SEMA3E: variants seen among roughly 807,000 people sequenced by gnomAD.
SEMA3E encodes semaphorin-3E.
In SEMA3E, 49 loss-of-function variants were observed where a neutral mutation model predicts 93.6. The observed-to-expected ratio is 0.52, with a 90% CI of 0.42 to 0.66. The LOEUF (loss-of-function observed/expected upper bound fraction) is 0.66. Among genes scored for constraint, SEMA3E ranks in the 30% least tolerant of loss-of-function variants. The pLI is 0.00. For synonymous variants in SEMA3E, 363 were observed against 330.7 expected (o/e 1.10, Z -1.06); for missense variants, 906 against 964.8 (o/e 0.94, Z 0.81).
At chr7:83,543,973 C>T (rs10248786) in intron 1 of SEMA3E, among the ~76,000 whole-genome samples, 2 of 151,756 alleles carry the variant, frequency 1.3e-5, no homozygotes, top group African/African-American at 2.4e-5. Context: ...TTTGATGTAA[C>T]CTTCCCTCCC....
chr7:83,464,868 C>A (rs570405785), intron 4 of SEMA3E, among the ~76,000 whole-genome samples: 1 of 150,414 alleles, frequency 6.6e-6, no homozygotes, highest in African/African-American at 2.4e-5. Context: ...ATACCACCCC[C>A]CAAAAATTTT....
At chr7:83,374,206 CAAAAAA>C (rs71074647) in intron 16 of SEMA3E, among the ~76,000 whole-genome samples, 2 of 93,346 alleles carry the variant, frequency 2.1e-5, no homozygotes, top group Non-Finnish European at 4.1e-5. Flanking sequence ...AACTGCGTCT[CAAAAAA>C]AAAAAAAAAA....
intron 11 of SEMA3E, among the ~76,000 whole-genome samples, chr7:83,399,048 A>T (rs1001623014): frequency 6.6e-6 from 1 of 152,188 alleles, no homozygotes; most frequent in Admixed American, 6.6e-5. Context: ...TATTAATATT[A>T]ATATTACATC....
chr7:83,484,302 C>T (rs143625501), intron 2 of SEMA3E, among the ~76,000 whole-genome samples: 1 of 152,296 alleles, frequency 6.6e-6, no homozygotes, highest in African/African-American at 2.4e-5. Flanking sequence ...CTGCTTTAAA[C>T]TTCATATGGT....
At chr7:83,425,072 A>T (rs140302871) in intron 4 of SEMA3E, 79 of 159,188 alleles carry the variant, frequency 5.0e-4, no homozygotes, top group African/African-American at 1.9e-3. Flanking sequence ...TCAGTGCTCC[A>T]TCCAGGTATA....
intron 1 of SEMA3E, among the ~76,000 whole-genome samples, chr7:83,537,825 A>G (rs1791436885): frequency 6.6e-6 from 1 of 152,256 alleles, no homozygotes; most frequent in East Asian, 1.9e-4. Context: ...GAAATCATGT[A>G]TTCTTTAGCA....
At chr7:83,598,586 G>C (rs1295464049) in intron 1 of SEMA3E, among the ~76,000 whole-genome samples, 1 of 152,168 alleles carries the variant, frequency 6.6e-6, no homozygotes, top group Non-Finnish European at 1.5e-5. Context: ...GTACAGGCTA[G>C]AGTCCTCCCT....
At chr7:83,408,513 AAGTC>A (rs1323825998) in intron 5 of SEMA3E, 26 bp from the exon 6 acceptor site, 11 of 1,612,382 alleles carry the variant, frequency 6.8e-6, no homozygotes, top group African/African-American at 1.3e-5. Context: ...AGTAAAAAAG[AAGTC>A]AGTATTTGTT....
chr7:83,403,614 T>C (rs1215232232), intron 9 of SEMA3E, among the ~76,000 whole-genome samples: 1 of 152,020 alleles, frequency 6.6e-6, no homozygotes, highest in Non-Finnish European at 1.5e-5. Context: ...TCAGAATCTC[T>C]GTATTGTAAG....
At chr7:83,614,263 C>G (rs974931985) in intron 1 of SEMA3E, among the ~76,000 whole-genome samples, 1 of 151,974 alleles carries the variant, frequency 6.6e-6, no homozygotes, top group East Asian at 1.9e-4. Flanking sequence ...AGGACGTAAA[C>G]AGCCAGACAG....
At chr7:83,576,253 A>G (rs985688331) in intron 1 of SEMA3E, among the ~76,000 whole-genome samples, 1 of 152,206 alleles carries the variant, frequency 6.6e-6, no homozygotes, top group African/African-American at 2.4e-5. Context: ...TACTCTTTGG[A>G]AGCTTATCTA....
chr7:83,460,614 C>T (rs1368581608), intron 4 of SEMA3E, among the ~76,000 whole-genome samples: 2 of 29,932 alleles, frequency 6.7e-5, no homozygotes, highest in African/African-American at 1.3e-4. Context: ...CTCCTTGTCT[C>T]TACCCCTTCT....
At chr7:83,498,771 G>T (rs1790541428) in intron 1 of SEMA3E, among the ~76,000 whole-genome samples, 1 of 152,042 alleles carries the variant, frequency 6.6e-6, no homozygotes, top group Non-Finnish European at 1.5e-5. Context: ...GAGCCACTGT[G>T]CCCAGCCTTT....
In SEMA3E at chr7:83,536,169, T is replaced by TA. The variant is rs752704937; in HGVS notation, c.116-45896dup. ...ACTAAGATTAATTATTTGCTAAAAA[T>TA]ATAAATAAAGCTTTGATCACTTTTA... On this transcript the variant is annotated intron_variant, in intron 1 of 16. Transcript: ENST00000643230. 6.6e-5 allele frequency among the ~76,000 whole-genome samples: 10 copies of TA among 152,230 alleles called. No individual in the cohort carries two copies. The East Asian group carries it at 1.7e-3, about 26-fold the overall frequency.
At chr7:83,368,743 A>G (rs544809712) in intron 16 of SEMA3E, among the ~76,000 whole-genome samples, 1 of 152,356 alleles carries the variant, frequency 6.6e-6, no homozygotes, top group Admixed American at 6.5e-5. Flanking sequence ...TGTATTTGAT[A>G]TAATACTCAC....
chr7:83,502,740 A>G (rs1685694566), intron 1 of SEMA3E, among the ~76,000 whole-genome samples: 1 of 152,120 alleles, frequency 6.6e-6, no homozygotes, highest in Non-Finnish European at 1.5e-5. Flanking sequence ...TTTCTTATAT[A>G]TGTTTTCTCT....
At chr7:83,552,007 T>C (rs1360438132) in intron 1 of SEMA3E, among the ~76,000 whole-genome samples, 2 of 152,224 alleles carry the variant, frequency 1.3e-5, no homozygotes. Context: ...CTTTGTATTA[T>C]ACATGAAAAA....
intron 1 of SEMA3E, among the ~76,000 whole-genome samples, chr7:83,506,038 T>A (rs962136813): frequency 4.7e-4 from 66 of 139,592 alleles, no homozygotes; most frequent in African/African-American, 1.4e-3. Flanking sequence ...AAAAAATATA[T>A]ATATATATAT....
At chr7:83,502,271 C>T (rs959873235) in intron 1 of SEMA3E, among the ~76,000 whole-genome samples, 5 of 152,164 alleles carry the variant, frequency 3.3e-5, no homozygotes, top group African/African-American at 9.7e-5. Flanking sequence ...ATCAGTTCAC[C>T]TCACAGTAGC....
Sources: allele counts gnomAD v4.1 joint callset (sites outside exome capture counted in the v4.1 genomes callset), GRCh38; gene constraint gnomAD v4.1.1; transcripts MANE v1.5; gene names NCBI Gene and HGNC (gene_info 2026-07-23, HGNC 2026-07-21).